The following COL9A3 variants were observed in gnomAD, a reference collection of about 807,000 sequenced individuals.
The protein encoded by COL9A3 is collagen type IX alpha 3 chain.
A neutral mutation model predicts 110.2 loss-of-function variants in COL9A3; 82 were observed. The ratio of observed to expected loss-of-function variants is 0.74; its 90% CI spans 0.62 to 0.89. The LOEUF (loss-of-function observed/expected upper bound fraction) is 0.89, where lower values mean the gene tolerates loss of function less well. COL9A3 is among the 40% of genes least tolerant of loss of function. The probability of loss-of-function intolerance (pLI) is 0.00; values close to 1 mark genes in which losing one functional copy is unlikely to be tolerated. For synonymous variants in COL9A3, 494 were observed against 403.8 expected (o/e 1.22, Z -2.68); for missense variants, 1,066 against 981.3 (o/e 1.09, Z -1.15).
At chr20:62,838,428 T>A (rs1478795526) in intron 30 of COL9A3, among the ~76,000 whole-genome samples, 1 of 152,238 alleles carries the variant, frequency 6.6e-6, no homozygotes, top group Non-Finnish European at 1.5e-5. Flanking sequence ...TTGGGTATGA[T>A]AATCTTAAGG....
At chr20:62,818,069 G>A (rs1990994363) in intron 2 of COL9A3, among the ~76,000 whole-genome samples, 1 of 152,136 alleles carries the variant, frequency 6.6e-6, no homozygotes, top group Non-Finnish European at 1.5e-5. Flanking sequence ...GGGTATCTCA[G>A]GACTGGTGTG....
At chr20:62,839,195 G>A (rs1319181733) in intron 31 of COL9A3, among the ~76,000 whole-genome samples, 1 of 151,604 alleles carries the variant, frequency 6.6e-6, no homozygotes, top group Non-Finnish European at 1.5e-5. Context: ...TGGCGCCACT[G>A]CCTTCCAGCC....
At position 62,837,099 on chromosome 20, in the gene COL9A3, A is replaced by AGCC. The variant is rs769099389; in HGVS notation, c.1623_1625dup (p.Ala542dup). The AGCC allele has an allele frequency of 4.1e-5, 66 of 1,613,352 alleles. No homozygotes were observed. Among genetic ancestry groups the AGCC allele is most frequent in the Non-Finnish European group, 5.6e-5 (66 of 1,180,030 alleles). ...TTCCCAAAGAACAAATTGCACAGTT[A>AGCC]GCCGCGCACCTAAGGAAGCCTTTGG... On this transcript the variant is annotated inframe_insertion, in exon 30 of 32. Coordinates refer to ENST00000649368, the MANE Select transcript of COL9A3 (RefSeq NM_001853.4).
chr20:62,836,548 G>A lies in COL9A3; in HGVS notation c.1603+16G>A, dbSNP rs1056012086. The stretch of plus-strand genomic sequence containing the variant: ...ATGATCAGCGGTAAGTCAGCCACGT[G>A]CACCGGCTGCAGCGGGGCCCATCCC... On this transcript the variant is annotated intron_variant, in intron 29 of 31. Transcript: ENST00000649368. 6.3e-7 allele frequency: 1 copy of A among 1,598,220 alleles called. No homozygotes were observed. The highest frequency in any genetic ancestry group is 1.3e-5 in the African/African-American group (1 of 74,820).
chr20:62,825,888 TA>T lies in COL9A3; in HGVS notation c.684+20del. ...GGCTGCAGGTGAGGCTAGGAAGGGGTAAGGATGGTGGGATGGGAACTCAGCC... is the reference window on the plus strand; with the variant it reads ...GGCTGCAGGTGAGGCTAGGAAGGGGTAGGATGGTGGGATGGGAACTCAGCC... On this transcript the variant is annotated intron_variant, in intron 13 of 31. Transcript: ENST00000649368. 1 of 1,556,160 alleles carries T rather than the reference TA, an allele frequency of 6.4e-7. No homozygotes were observed. Among genetic ancestry groups the T allele is most frequent in the Non-Finnish European group, 8.7e-7 (1 of 1,149,950 alleles).
intron 22 of COL9A3, 81 bp from the exon 23 acceptor site, chr20:62,830,279 G>A: frequency 6.7e-7 from 1 of 1,491,960 alleles, no homozygotes; most frequent in Non-Finnish European, 9.1e-7. Context: ...TCTGGGGGAA[G>A]GCTGAGCCAG....
At chr20:62,820,117 G>A (rs1991071095) in intron 5 of COL9A3, 135 bp downstream of exon 5, 1 of 1,027,104 alleles carries the variant, frequency 9.7e-7, no homozygotes, top group East Asian at 2.5e-5. Flanking sequence ...CTGGGGTGGA[G>A]GGGCAGAAGG....
rs377255816 is a variant in COL9A3, at chr20:62,824,510, C to T, written c.576+9C>T. On this transcript the variant is annotated intron_variant, in intron 11 of 31. Transcript: ENST00000649368. ...GAATGCCAGGGTTCAAGGTGAGTCA[C>T]GGGTGACTGGGACCCAAGCACCACC... The T allele has an allele frequency of 2.1e-5, 33 of 1,584,944 alleles. No homozygotes were observed. In the African/African-American group the frequency reaches 3.1e-4, roughly 15 times the overall value.
chr20:62,831,819 T>C (rs1002929810), intron 24 of COL9A3: 1 of 408,618 alleles, frequency 2.4e-6, no homozygotes, highest in African/African-American at 2.0e-5. Flanking sequence ...CGGGGGAAGG[T>C]GATTAGATGA....
At chr20:62,826,901 C>T (rs1392476901) in intron 15 of COL9A3, 81 bp downstream of exon 15, 19 of 1,488,990 alleles carry the variant, frequency 1.3e-5, no homozygotes, top group South Asian at 2.4e-5. Flanking sequence ...ACGCCCCCAG[C>T]CCCACTGGGG....
chr20:62,826,939 T>A (rs2063557715), intron 15 of COL9A3, 119 bp downstream of exon 15: 9 of 1,123,730 alleles, frequency 8.0e-6, no homozygotes, highest in Non-Finnish European at 9.1e-6. Flanking sequence ...AGCTGTTCCC[T>A]GGACACCCTG....
chr20:62,835,861 G>A, intron 26 of COL9A3, 60 bp from the exon 27 acceptor site: 1 of 1,572,684 alleles, frequency 6.4e-7, no homozygotes, highest in African/African-American at 1.3e-5. Context: ...TCCTCAACTG[G>A]CTACTTCCCA....
Position 62,836,550 on chromosome 20 carries a change from A to G in COL9A3, c.1603+18A>G, listed in dbSNP as rs1319333994. ...GATCAGCGGTAAGTCAGCCACGTGCACCGGCTGCAGCGGGGCCCATCCCCG... is the reference window on the plus strand; with the variant it reads ...GATCAGCGGTAAGTCAGCCACGTGCGCCGGCTGCAGCGGGGCCCATCCCCG... On this transcript the variant is annotated intron_variant, in intron 29 of 31. Transcript: ENST00000649368. 2.5e-6 allele frequency: 4 copies of G among 1,598,160 alleles called. No homozygotes were observed. Among genetic ancestry groups the G allele is most frequent in the Non-Finnish European group, 2.6e-6 (3 of 1,172,012 alleles).
At chr20:62,824,415 G>T in intron 10 of COL9A3, 30 bp from the exon 11 acceptor site, 1 of 1,584,466 alleles carries the variant, frequency 6.3e-7, no homozygotes, top group East Asian at 2.3e-5. Flanking sequence ...GTTTGGCTGG[G>T]AGGGGTCTGA....
At chr20:62,820,695 G>C (rs6011402) in intron 5 of COL9A3, among the ~76,000 whole-genome samples, 17,492 of 152,234 alleles carry the variant, frequency 0.11, 1,105 homozygotes, top group Non-Finnish European at 0.14. Context: ...CAGGCTTTCA[G>C]GAGGGGCCTC....
In COL9A3 at chr20:62,832,916, G is replaced by T. The variant is rs559273327; in HGVS notation, c.1324-104G>T. ...CCTGGGCTTTTGGCCTCGACCTTAAGATGAACATTACACCTACGGAGGCTT... is the reference window on the plus strand; with the variant it reads ...CCTGGGCTTTTGGCCTCGACCTTAATATGAACATTACACCTACGGAGGCTT... On this transcript the variant is annotated intron_variant, in intron 25 of 31. Coordinates refer to ENST00000649368, the MANE Select transcript of COL9A3 (RefSeq NM_001853.4). The T allele has an allele frequency of 5.7e-3, 6,279 of 1,105,180 alleles. 237 individuals carry two copies. In the African/African-American group the frequency reaches 0.086, roughly 15 times the overall value. 68.5% of individuals were successfully genotyped at this position (1,105,180 alleles called of 1,614,324 possible). A position where few individuals can be genotyped will look rare whatever the true frequency, so the allele number is the denominator to read the frequency against.
chr20:62,829,675 C>A lies in COL9A3; in HGVS notation c.1101C>A (p.Gly367=). The A allele has an allele frequency of 6.2e-7, 1 of 1,609,008 alleles. No individual in the cohort carries two copies. The highest frequency in any genetic ancestry group is 8.5e-7 in the Non-Finnish European group (1 of 1,178,508). ...AGGCCGGCCCCTCTGGAGAGCCAGGCGTCCCTGTGAGTATCTGCGGCGCCC... is the reference window on the plus strand; with the variant it reads ...AGGCCGGCCCCTCTGGAGAGCCAGGAGTCCCTGTGAGTATCTGCGGCGCCC... ...LGEAGPSGEP[G]VPGDAGMPGE... is the part of the protein sequence containing the mutation. The change falls in exon 21 of 32, where the codon GGC becomes GGA. Residue 367 remains glycine (G), a synonymous_variant. Transcript: ENST00000649368.
At chr20:62,818,895 G>A (rs533541118) in intron 3 of COL9A3, among the ~76,000 whole-genome samples, 1 of 152,350 alleles carries the variant, frequency 6.6e-6, no homozygotes, top group South Asian at 2.1e-4. Context: ...GGGTCCTGGG[G>A]CTCAGAGCCC....
Position 62,817,642 on chromosome 20 carries a change from T to C in COL9A3, c.147+7T>C. On this transcript the variant is annotated splice_region_variant and intron_variant, in intron 2 of 31. Transcript: ENST00000649368. ...CGGCCAGGACGGCATTGACGTGAGT[T>C]TGGGGGTGGGGAGGGCCCCGAGCGC... is the stretch of plus-strand genomic sequence containing the variant. 6.5e-7 allele frequency: 1 copy of C among 1,531,416 alleles called. No individual in the cohort carries two copies. Among genetic ancestry groups the C allele is most frequent in the East Asian group, 2.5e-5 (1 of 40,314 alleles). 94.9% of individuals were successfully genotyped at this position (1,531,416 alleles called of 1,614,324 possible).
Sources: allele counts gnomAD v4.1 joint callset (sites outside exome capture counted in the v4.1 genomes callset), GRCh38; gene constraint gnomAD v4.1.1; transcripts MANE v1.5; gene names NCBI Gene and HGNC (gene_info 2026-07-23, HGNC 2026-07-21).